Variants in TMEM132B observed in about 807,000 individuals in gnomAD.
TMEM132B encodes the protein transmembrane protein 132B.
A neutral mutation model predicts 90.8 loss-of-function variants in TMEM132B; 18 were observed. The ratio of observed to expected loss-of-function variants is 0.20; its 90% CI spans 0.14 to 0.29. TMEM132B has a LOEUF of 0.29. TMEM132B is among the 10% of genes least tolerant of loss of function. The pLI is 1.00. For synonymous variants in TMEM132B, 504 were observed against 523.3 expected (o/e 0.96, Z 0.50); for missense variants, 1,096 against 1,326.8 (o/e 0.83, Z 2.70).
At chr12:125,653,020 A>C (rs1171036268) in intron 8 of TMEM132B, among the ~76,000 whole-genome samples, 1 of 152,244 alleles carries the variant, frequency 6.6e-6, no homozygotes, top group Non-Finnish European at 1.5e-5. Flanking sequence ...GCTACTGTTT[A>C]CAATAAGTAT....
chr12:125,478,417 T>C (rs1313547584), intron 3 of TMEM132B, among the ~76,000 whole-genome samples: 1 of 152,170 alleles, frequency 6.6e-6, no homozygotes, highest in East Asian at 1.9e-4. Flanking sequence ...AGAGAAGACC[T>C]TAAATGACCT....
intron 5 of TMEM132B, among the ~76,000 whole-genome samples, chr12:125,621,812 T>G (rs544729685): frequency 6.6e-6 from 1 of 152,316 alleles, no homozygotes; most frequent in South Asian, 2.1e-4. Context: ...TGACATACTT[T>G]CCTACCTTTC....
chr12:125,586,942 ACATT>A (rs925190358), intron 5 of TMEM132B: 3 of 152,300 alleles, frequency 2.0e-5, no homozygotes, highest in African/African-American at 7.2e-5. Context: ...GAAGGAAAAA[ACATT>A]CATCGTAGTT....
At chr12:125,488,451 G>T (rs765231738) in intron 3 of TMEM132B, among the ~76,000 whole-genome samples, 5 of 152,152 alleles carry the variant, frequency 3.3e-5, no homozygotes, top group Non-Finnish European at 5.9e-5. Flanking sequence ...GAGGAACCTG[G>T]TGGGAGGTGA....
chr12:125,450,879 T>C (rs534814829), intron 3 of TMEM132B, among the ~76,000 whole-genome samples: 1 of 152,298 alleles, frequency 6.6e-6, no homozygotes, highest in African/African-American at 2.4e-5. Flanking sequence ...ACATCACTTA[T>C]GTAAGTATTC....
intron 1 of TMEM132B, among the ~76,000 whole-genome samples, chr12:125,266,931 G>C (rs1874709823): frequency 1.3e-5 from 2 of 152,178 alleles, no homozygotes; most frequent in African/African-American, 4.8e-5. Flanking sequence ...TGGTGAGCAA[G>C]TCATTGTATT....
At chr12:125,369,573 G>A (rs1303108199) in intron 2 of TMEM132B, among the ~76,000 whole-genome samples, 1 of 152,146 alleles carries the variant, frequency 6.6e-6, no homozygotes. Flanking sequence ...TGACAAAGAT[G>A]AGACTTAAAA....
At chr12:125,298,199 A>G (rs971215502) in intron 1 of TMEM132B, among the ~76,000 whole-genome samples, 3 of 152,104 alleles carry the variant, frequency 2.0e-5, no homozygotes, top group African/African-American at 7.2e-5. Context: ...GCAGTGAGCC[A>G]TGATTGCGCC....
At chr12:125,370,873 A>G (rs1878274167) in intron 2 of TMEM132B, among the ~76,000 whole-genome samples, 1 of 152,242 alleles carries the variant, frequency 6.6e-6, no homozygotes, top group Non-Finnish European at 1.5e-5. Context: ...GACAGAACTA[A>G]TAGGATATAT....
At chr12:125,608,998 C>T (rs1885762387) in intron 5 of TMEM132B, among the ~76,000 whole-genome samples, 1 of 152,162 alleles carries the variant, frequency 6.6e-6, no homozygotes, top group African/African-American at 2.4e-5. Flanking sequence ...AACTTACAAT[C>T]ATGGTGGAAG....
At position 125,653,709 on chromosome 12, in the gene TMEM132B, C is replaced by A. The variant is rs1428179247; in HGVS notation, c.2251C>A (p.Pro751Thr). The A allele has an allele frequency of 6.2e-7, 1 of 1,614,046 alleles. No individual in the cohort carries two copies. The highest frequency in any genetic ancestry group is 1.1e-5 in the South Asian group (1 of 91,076). The change falls in exon 9 of 9, where the codon CCA becomes ACA. Residue 751 changes from proline to threonine, a missense_variant. Physicochemically the swap from Pro to Thr is conservative, Grantham distance 38 (BLOSUM62 -1). Transcript: ENST00000682704. ...CCAGGCAAACCTTGAGTCCAAATGG[C>A]CAATTGTGGTTGCAGAGGGTGAAGG... ...SVQANLESKW[P>T]IVVAEGEGQG...
intron 3 of TMEM132B, among the ~76,000 whole-genome samples, chr12:125,510,266 A>G (rs915606850): frequency 2.0e-5 from 3 of 152,206 alleles, no homozygotes; most frequent in Non-Finnish European, 4.4e-5. Flanking sequence ...GTGTTTGCTC[A>G]TTATCAAGAT....
In TMEM132B at chr12:125,412,271, C is replaced by G. The variant is rs149845678; in HGVS notation, c.960-3260C>G. On this transcript the variant is annotated intron_variant, in intron 2 of 8. Transcript: ENST00000682704. ...TTTTGGGTCAGAATAAAAGAAGGAA[C>G]AAAAATCTCACAGAAGAACCCTCCG... Among the ~76,000 whole-genome samples the G allele has an allele frequency of 3.7e-3, 558 of 152,244 alleles. 7 individuals carry two copies. Among genetic ancestry groups the G allele is most frequent in the African/African-American group, 0.013 (538 of 41,530 alleles).
At chr12:125,208,412 A>G (rs1338463267) in intron 1 of TMEM132B, among the ~76,000 whole-genome samples, 1 of 152,172 alleles carries the variant, frequency 6.6e-6, no homozygotes, top group African/African-American at 2.4e-5. Flanking sequence ...TCATCACCCC[A>G]AAAAGAAACC....
chr12:125,388,713 C>T (rs1179706054), intron 2 of TMEM132B, among the ~76,000 whole-genome samples: 1 of 152,194 alleles, frequency 6.6e-6, no homozygotes, highest in East Asian at 1.9e-4. Flanking sequence ...GTTCCAGGCA[C>T]CCAGGGCTGT....
chr12:125,493,730 A>G (rs868073035), intron 3 of TMEM132B, among the ~76,000 whole-genome samples: 5 of 151,972 alleles, frequency 3.3e-5, no homozygotes, highest in Non-Finnish European at 7.4e-5. Context: ...GCTTCTCTGC[A>G]TGCACATGAG....
rs1281416227 is a variant in TMEM132B at position 125,383,624 on chromosome 12, T to C, written c.960-31907T>C. Among the ~76,000 whole-genome samples the C allele has an allele frequency of 1.3e-5, 2 of 152,264 alleles. 1 individual carries two copies. The highest frequency in any genetic ancestry group is 2.9e-5 in the Non-Finnish European group (2 of 68,048). ...CATTACTACTGTTCAATCCCTATCT[T>C]CTTTAAGTCAGTGCATATTTTTACA... On this transcript the variant is annotated intron_variant, in intron 2 of 8. Coordinates refer to ENST00000682704, the MANE Select transcript of TMEM132B (RefSeq NM_001366854.1).
intron 1 of TMEM132B, among the ~76,000 whole-genome samples, chr12:125,225,858 C>T (rs1006887655): frequency 6.6e-6 from 1 of 152,190 alleles, no homozygotes; most frequent in Non-Finnish European, 1.5e-5. Flanking sequence ...CCACTCCTAG[C>T]TGCAAGGGAG....
At chr12:125,198,478 C>T (rs1449385121) in intron 1 of TMEM132B, among the ~76,000 whole-genome samples, 1 of 152,190 alleles carries the variant, frequency 6.6e-6, no homozygotes, top group African/African-American at 2.4e-5. Context: ...TGTCCTCCAA[C>T]CAGCGGAAAT....
Sources: gnomAD v4.1 joint callset for allele counts (sites outside exome capture counted in the v4.1 genomes callset) on GRCh38, gnomAD v4.1.1 for gene constraint, MANE v1.5 for transcripts, NCBI Gene and HGNC (gene_info 2026-07-23, HGNC 2026-07-21) for gene names.